Variants in SOST observed in about 807,000 individuals in gnomAD.
SOST encodes the protein sclerosteosis.
SOST carries 14 observed loss-of-function variants against 16.7 expected under a neutral mutation model. The ratio of observed to expected loss-of-function variants is 0.84; its 90% confidence interval spans 0.55 to 1.31. SOST has a LOEUF of 1.31. Among genes scored for constraint, SOST ranks in the 50% most tolerant of loss-of-function variants. The pLI is 0.00. For synonymous variants in SOST, 150 were observed against 140.9 expected, an observed-to-expected ratio of 1.06 and a Z score of -0.46; for missense variants, 291 against 310.7, an observed-to-expected ratio of 0.94 and a Z score of 0.48.
At position 43,755,837 on chromosome 17, in the gene SOST, AC is replaced by A; in HGVS notation, c.221-75del. On this transcript the variant is annotated intron_variant, in intron 1 of 1. Transcript: ENST00000301691. This position sits in a 1 kb window ranked among gnomAD's most constrained non-coding sequence, Gnocchi z 4.3. ...GCCCTGGACCGGCCCGTCTCTCTCC[AC>A]CCCAGCCCTGCTTTTGCCAAGCCTG... is the stretch of plus-strand genomic sequence containing the variant. 1.3e-6 allele frequency: 2 copies of A among 1,490,226 alleles called. No individual in the cohort carries two copies. The highest frequency in any genetic ancestry group is 1.8e-6 in the Non-Finnish European group (2 of 1,116,278). 92.3% of individuals were successfully genotyped at this position (1,490,226 alleles called of 1,614,324 possible). A position where few individuals can be genotyped will look rare whatever the true frequency, so the allele number is the denominator to read the frequency against.
At chr17:43,758,097 A>T (rs1042805425) in intron 1 of SOST, among the ~76,000 whole-genome samples, 6 of 152,118 alleles carry the variant, frequency 3.9e-5, no homozygotes, top group Non-Finnish European at 8.8e-5. Flanking sequence ...CCACCAGCAT[A>T]GAGTGTCCGG....
Position 43,755,406 on chromosome 17 carries a change from C to G in SOST, c.578G>C (p.Arg193Pro), listed in dbSNP as rs1433615680. The change falls in exon 2 of 2, where the codon CGG becomes CCG. Residue 193 changes from arginine (R) to proline (P), a missense_variant. Coordinates refer to ENST00000301691, the MANE Select transcript of SOST (RefSeq NM_025237.3). The surrounding 1 kb of genome is among the most constrained non-coding windows in gnomAD (Gnocchi z 4.3). Reference sequence around the variant, plus strand: ...GCTCCGGGCGCGGGGCCGCGGCTTCCGGCCCTTCTGCGGCCGAGCGGCCTC... The same window carrying G: ...GCTCCGGGCGCGGGGCCGCGGCTTCGGGCCCTTCTGCGGCCGAGCGGCCTC... The part of the protein sequence containing the change: ...GTEAARPQKG[R>P]KPRPRARSAK... 2 of 1,592,418 alleles carry G rather than the reference C, an allele frequency of 1.3e-6. No individual in the cohort carries two copies. Among genetic ancestry groups the G allele is most frequent in the African/African-American group, 2.7e-5 (2 of 73,696 alleles).
Position 43,755,601 on chromosome 17 carries a change from C to G in SOST, c.383G>C (p.Ser128Thr), listed in dbSNP as rs1482585716. Residue 128 changes from serine to threonine, a missense_variant, in exon 2 of 2, where the codon AGT (serine) becomes ACT (threonine). Ser to Thr is a moderately conservative substitution (Grantham distance 58, BLOSUM62 1). Coordinates refer to ENST00000301691, the MANE Select transcript of SOST (RefSeq NM_025237.3). This position sits in a 1 kb window ranked among gnomAD's most constrained non-coding sequence, Gnocchi z 4.3. Reference protein sequence around the residue: ...AIGRGKWWRPSGPDFRCIPDR... With the variant: ...AIGRGKWWRPTGPDFRCIPDR... ...GGGGATGCAGCGGAAGTCGGGCCCA[C>G]TAGGTCGCCACCACTTGCCGCGGCC... 2 of 1,589,704 alleles carry G rather than the reference C, an allele frequency of 1.3e-6. No individual in the cohort carries two copies. The highest frequency in any genetic ancestry group is 1.7e-6 in the Non-Finnish European group (2 of 1,174,382).
rs867579353 is a variant in SOST, at chr17:43,755,719, C to T, written c.265G>A (p.Val89Met). 1.9e-6 allele frequency: 3 copies of T among 1,576,066 alleles called. No homozygotes were observed. The African/African-American group carries it at 4.0e-5, about 21-fold the overall frequency. The change falls in exon 2 of 2, where the codon GTG becomes ATG. Residue 89 changes from valine to methionine, a missense_variant. Val to Met is a conservative substitution (Grantham distance 21). Coordinates refer to ENST00000301691, the MANE Select transcript of SOST (RefSeq NM_025237.3). This position sits in a 1 kb window ranked among gnomAD's most constrained non-coding sequence, Gnocchi z 4.3. Reference protein sequence around the residue: ...SCRELHFTRYVTDGPCRSAKP... With the variant: ...SCRELHFTRYMTDGPCRSAKP... ...GCGCTGCGGCACGGCCCATCGGTCA[C>T]GTAGCGGGTGAAGTGCAGCTCGCGG...
intron 1 of SOST, among the ~76,000 whole-genome samples, chr17:43,756,022 G>T (rs536445057): frequency 6.6e-6 from 1 of 152,226 alleles, no homozygotes; most frequent in Non-Finnish European, 1.5e-5. Flanking sequence ...GTCATCTTGG[G>T]CAAGTTCCTT....
At chr17:43,756,584 G>A (rs1478660624) in intron 1 of SOST, among the ~76,000 whole-genome samples, 1 of 152,126 alleles carries the variant, frequency 6.6e-6, no homozygotes, top group African/African-American at 2.4e-5. Context: ...CTCTGCGTTC[G>A]AGCATCCATG....
chr17:43,755,399 C>T lies in SOST; in HGVS notation c.585G>A (p.Pro195=). 1 of 1,590,798 alleles carries T rather than the reference C, an allele frequency of 6.3e-7. No homozygotes were observed. Among genetic ancestry groups the T allele is most frequent in the Non-Finnish European group, 8.5e-7 (1 of 1,176,844 alleles). ...CTTTGGCGCTCCGGGCGCGGGGCCGCGGCTTCCGGCCCTTCTGCGGCCGAG... is the reference window on the plus strand; with the variant it reads ...CTTTGGCGCTCCGGGCGCGGGGCCGTGGCTTCCGGCCCTTCTGCGGCCGAG... ...EAARPQKGRK[P]RPRARSAKAN... Residue 195 remains proline (P), a synonymous_variant, in exon 2 of 2, where the codon CCG becomes CCA. Transcript: ENST00000301691. The surrounding 1 kb of genome is among the most constrained non-coding windows in gnomAD (Gnocchi z 4.3).
Position 43,755,621 on chromosome 17 carries a change from G to T in SOST, c.363C>A (p.Arg121=). Reference sequence around the variant, plus strand: ...GCCCACTAGGTCGCCACCACTTGCCGCGGCCGATGGCGTTGGGCAGCAGGC... The same window carrying T: ...GCCCACTAGGTCGCCACCACTTGCCTCGGCCGATGGCGTTGGGCAGCAGGC... ...PARLLPNAIG[R]GKWWRPSGPD... is the part of the protein sequence containing the mutation. Residue 121 remains arginine, a synonymous_variant, in exon 2 of 2, where the codon CGC becomes CGA. Coordinates refer to ENST00000301691, the MANE Select transcript of SOST (RefSeq NM_025237.3). The surrounding 1 kb of genome is among the most constrained non-coding windows in gnomAD (Gnocchi z 4.3). 1 of 1,582,256 alleles carries T rather than the reference G, an allele frequency of 6.3e-7. No individual in the cohort carries two copies.
At chr17:43,756,564 A>G (rs1278402709) in intron 1 of SOST, among the ~76,000 whole-genome samples, 1 of 152,162 alleles carries the variant, frequency 6.6e-6, no homozygotes, top group Non-Finnish European at 1.5e-5. Context: ...GGCTCCGGCA[A>G]GAGTGGAGGC....
At position 43,755,840 on chromosome 17, in the gene SOST, C is replaced by T; in HGVS notation, c.221-77G>A. The stretch of plus-strand genomic sequence containing the variant: ...CTGGACCGGCCCGTCTCTCTCCACC[C>T]CAGCCCTGCTTTTGCCAAGCCTGTC... On this transcript the variant is annotated intron_variant, in intron 1 of 1. Transcript: ENST00000301691. This position sits in a 1 kb window ranked among gnomAD's most constrained non-coding sequence, Gnocchi z 4.3. 1 of 1,487,202 alleles carries T rather than the reference C, an allele frequency of 6.7e-7. No individual in the cohort carries two copies. Among genetic ancestry groups the T allele is most frequent in the East Asian group, 2.5e-5 (1 of 39,856 alleles). The allele number at this position is 1,487,202 out of a possible 1,614,324, so 92.1% of individuals were successfully genotyped here.
In SOST at chr17:43,755,824, C is replaced by A; in HGVS notation, c.221-61G>T. On this transcript the variant is annotated intron_variant, in intron 1 of 1. Transcript: ENST00000301691. This position sits in a 1 kb window ranked among gnomAD's most constrained non-coding sequence, Gnocchi z 4.3. ...CCTGGCCACCCCTGCCCTGGACCGG[C>A]CCGTCTCTCTCCACCCCAGCCCTGC... 2 of 1,518,884 alleles carry A rather than the reference C, an allele frequency of 1.3e-6. No individual in the cohort carries two copies. The highest frequency in any genetic ancestry group is 1.8e-6 in the Non-Finnish European group (2 of 1,136,266). 94.1% of individuals were successfully genotyped at this position (1,518,884 alleles called of 1,614,324 possible). A position where few individuals can be genotyped will look rare whatever the true frequency, so the allele number is the denominator to read the frequency against.
In SOST at chr17:43,755,912, T is replaced by C. The variant is rs1023013156; in HGVS notation, c.221-149A>G. On this transcript the variant is annotated intron_variant, in intron 1 of 1. Coordinates refer to ENST00000301691, the MANE Select transcript of SOST (RefSeq NM_025237.3). This position sits in a 1 kb window ranked among gnomAD's most constrained non-coding sequence, Gnocchi z 4.3. ...ACATCTATTGCAGGAAGGTCCCAGATGCTCTAGAGCTGGTGGAAAGCTCTC... is the reference window on the plus strand; with the variant it reads ...ACATCTATTGCAGGAAGGTCCCAGACGCTCTAGAGCTGGTGGAAAGCTCTC... 10 of 936,086 alleles carry C rather than the reference T, an allele frequency of 1.1e-5. No homozygotes were observed. In the Admixed American group the frequency reaches 2.5e-4, roughly 24 times the overall value. The allele number at this position is 936,086 out of a possible 1,614,324, so 58.0% of individuals were successfully genotyped here.
At position 43,755,305 on chromosome 17, in the gene SOST, CG is replaced by C; in HGVS notation, c.*36del. The C allele has an allele frequency of 6.7e-7, 1 of 1,499,316 alleles. No individual in the cohort carries two copies. Among genetic ancestry groups the C allele is most frequent in the Admixed American group, 2.2e-5 (1 of 44,516 alleles). 92.9% of individuals were successfully genotyped at this position (1,499,316 alleles called of 1,614,324 possible). On this transcript the variant is annotated 3_prime_UTR_variant, in exon 2 of 2. Coordinates refer to ENST00000301691, the MANE Select transcript of SOST (RefSeq NM_025237.3). The surrounding 1 kb of genome is among the most constrained non-coding windows in gnomAD (Gnocchi z 4.3). ...GAAATGTGGGGCGCGGGTTCAGGGC[CG>C]GGGCGCCCGCCGGTGGGGAGGGGCG...
At position 43,758,714 on chromosome 17, in the gene SOST, C is replaced by T. The variant is rs17882143; in HGVS notation, c.28G>A (p.Val10Ile). The T allele has an allele frequency of 0.014, 22,682 of 1,613,708 alleles. 178 individuals are homozygous for T. Among genetic ancestry groups the T allele is most frequent in the Middle Eastern group, 0.031 (183 of 5,860 alleles). Residue 10 changes from valine (V) to isoleucine (I), a missense_variant, in exon 1 of 2, where the codon GTC becomes ATC. Physicochemically the swap from Val to Ile is conservative, Grantham distance 29. Transcript: ENST00000301691. Reference protein sequence around the residue: MQLPLALCLVCLLVHTAFRV... With the variant: MQLPLALCLICLLVHTAFRV... Reference sequence around the variant, plus strand: ...AAGGCTGTGTGTACCAGCAGGCAGACGAGACACAGGGCCAGTGGGAGCTGC... The same window carrying T: ...AAGGCTGTGTGTACCAGCAGGCAGATGAGACACAGGGCCAGTGGGAGCTGC...
Position 43,758,696 on chromosome 17 carries a change from T to A in SOST, c.46A>T (p.Thr16Ser). The change falls in exon 1 of 2, where the codon ACA (threonine) becomes TCA (serine). Residue 16 changes from threonine (T) to serine (S), a missense_variant. By Grantham distance (58) the Thr-to-Ser change is moderately conservative. Transcript: ENST00000301691. ...TGGCCCTCCACTACACGGAAGGCTGTGTGTACCAGCAGGCAGACGAGACAC... is the reference window on the plus strand; with the variant it reads ...TGGCCCTCCACTACACGGAAGGCTGAGTGTACCAGCAGGCAGACGAGACAC... The part of the protein sequence containing the change: ...ALCLVCLLVH[T>S]AFRVVEGQGW... 1 of 1,613,934 alleles carries A rather than the reference T, an allele frequency of 6.2e-7. No individual in the cohort carries two copies. The highest frequency in any genetic ancestry group is 8.5e-7 in the Non-Finnish European group (1 of 1,180,020).
chr17:43,756,120 T>C (rs1437926429), intron 1 of SOST, among the ~76,000 whole-genome samples: 1 of 152,264 alleles, frequency 6.6e-6, no homozygotes, highest in African/African-American at 2.4e-5. Context: ...AAATACCATT[T>C]GGCACATATA....
chr17:43,754,122 T>C lies in SOST; in HGVS notation c.*1220A>G, dbSNP rs1435721477. ...AGCATATGTACAGCACTTGTAGTTTTTCCCCCAATAATATTCTTTTAGTGT... is the reference window on the plus strand; with the variant it reads ...AGCATATGTACAGCACTTGTAGTTTCTCCCCCAATAATATTCTTTTAGTGT... On this transcript the variant is annotated 3_prime_UTR_variant, in exon 2 of 2. Coordinates refer to ENST00000301691, the MANE Select transcript of SOST (RefSeq NM_025237.3). 1 of 152,274 alleles carries C rather than the reference T, an allele frequency of 6.6e-6. No homozygotes were observed. Among genetic ancestry groups the C allele is most frequent in the African/African-American group, 2.4e-5 (1 of 41,462 alleles). 9.4% of individuals were successfully genotyped at this position (152,274 alleles called of 1,614,324 possible). A position where few individuals can be genotyped will look rare whatever the true frequency, so the allele number is the denominator to read the frequency against.
At chr17:43,756,655 T>C (rs1285466078) in intron 1 of SOST, among the ~76,000 whole-genome samples, 1 of 152,018 alleles carries the variant, frequency 6.6e-6, no homozygotes, top group African/African-American at 2.4e-5. Flanking sequence ...TTTCCTACCA[T>C]AGGGGCCCTG....
In SOST at chr17:43,755,680, C is replaced by G. The variant is rs748490190; in HGVS notation, c.304G>C (p.Glu102Gln). Residue 102 changes from glutamate (E) to glutamine (Q), a missense_variant, in exon 2 of 2, where the codon GAG becomes CAG. Coordinates refer to ENST00000301691, the MANE Select transcript of SOST (RefSeq NM_025237.3). The surrounding 1 kb of genome is among the most constrained non-coding windows in gnomAD (Gnocchi z 4.3). ...CCGCACTGGCCGGAGCACACCAGCT[C>G]GGTGACCGGCTTGGCGCTGCGGCAC... ...GPCRSAKPVT[E>Q]LVCSGQCGPA... The G allele has an allele frequency of 6.4e-7, 1 of 1,567,728 alleles. No homozygotes were observed. Among genetic ancestry groups the G allele is most frequent in the South Asian group, 1.2e-5 (1 of 86,620 alleles).
Sources: allele counts gnomAD v4.1 joint callset (sites outside exome capture counted in the v4.1 genomes callset), GRCh38; gene constraint gnomAD v4.1.1; non-coding constraint Gnocchi (gnomAD v3.1); transcripts MANE v1.5; gene names NCBI Gene and HGNC (gene_info 2026-07-23, HGNC 2026-07-21).